ADAMTS6: variants seen among roughly 807,000 people sequenced by gnomAD.
ADAMTS6 encodes ADAM metallopeptidase with thrombospondin type 1 motif 6, also known as A disintegrin and metalloproteinase with thrombospondin motifs 6.
A neutral mutation model predicts 144.3 loss-of-function variants in ADAMTS6; 23 were observed. The ratio of observed to expected loss-of-function variants is 0.16; its 90% confidence interval spans 0.11 to 0.23. The LOEUF is 0.23. ADAMTS6 is among the 10% of genes least tolerant of loss of function. The pLI, the probability that ADAMTS6 is intolerant of heterozygous loss-of-function variation, is 1.00. For synonymous variants in ADAMTS6, 444 were observed against 457.5 expected (o/e 0.97, Z 0.38); for missense variants, 999 against 1,379.6 (o/e 0.72, Z 4.37).
At chr5:65,197,848 C>T (rs1191006635) in intron 20 of ADAMTS6, among the ~76,000 whole-genome samples, 3 of 152,058 alleles carry the variant, frequency 2.0e-5, no homozygotes, top group African/African-American at 7.2e-5. Context: ...AAAAATTAGT[C>T]TATGTGATAT....
At chr5:65,386,204 G>C (rs764974280) in intron 7 of ADAMTS6, among the ~76,000 whole-genome samples, 2 of 152,068 alleles carry the variant, frequency 1.3e-5, no homozygotes, top group Non-Finnish European at 2.9e-5. Context: ...GTCTAACATT[G>C]ATAATATTTC....
At chr5:65,325,246 C>G (rs540787515) in intron 9 of ADAMTS6, among the ~76,000 whole-genome samples, 1 of 152,068 alleles carries the variant, frequency 6.6e-6, no homozygotes, top group African/African-American at 2.4e-5. Context: ...CCTTTGCCAA[C>G]GCTCACTGAA....
At chr5:65,184,728 G>A (rs147856681) in intron 22 of ADAMTS6, among the ~76,000 whole-genome samples, 212 of 152,156 alleles carry the variant, frequency 1.4e-3, no homozygotes, top group African/African-American at 4.9e-3. Context: ...ATAGATTATA[G>A]GATATGCGAA....
At chr5:65,432,539 A>G (rs534384695) in intron 7 of ADAMTS6, among the ~76,000 whole-genome samples, 1 of 151,662 alleles carries the variant, frequency 6.6e-6, no homozygotes, top group Admixed American at 6.6e-5. Context: ...CACACACACA[A>G]AATCTATTCT....
At chr5:65,363,732 A>G (rs1311687881) in intron 7 of ADAMTS6, among the ~76,000 whole-genome samples, 1 of 152,204 alleles carries the variant, frequency 6.6e-6, no homozygotes, top group Non-Finnish European at 1.5e-5. Context: ...AACATATTCA[A>G]TTAAGAATAA....
intron 7 of ADAMTS6, among the ~76,000 whole-genome samples, chr5:65,410,150 A>G (rs1754927630): frequency 6.6e-6 from 1 of 152,214 alleles, no homozygotes; most frequent in Non-Finnish European, 1.5e-5. Context: ...CAAAAAGAAA[A>G]GTTGGGACTT....
At chr5:65,157,438 C>T (rs61619383) in intron 24 of ADAMTS6, among the ~76,000 whole-genome samples, 2,863 of 152,254 alleles carry the variant, frequency 0.019, 87 homozygotes, top group African/African-American at 0.066. Flanking sequence ...AGGGCTTTTG[C>T]ATTTATGTCA....
At chr5:65,324,559 G>A (rs971661126) in intron 9 of ADAMTS6, among the ~76,000 whole-genome samples, 5 of 149,952 alleles carry the variant, frequency 3.3e-5, no homozygotes, top group Non-Finnish European at 7.4e-5. Context: ...ATATATTACG[G>A]ATAAATATAT....
chr5:65,357,713 T>C (rs191449834), intron 7 of ADAMTS6, among the ~76,000 whole-genome samples: 1 of 151,942 alleles, frequency 6.6e-6, no homozygotes, highest in East Asian at 1.9e-4. Flanking sequence ...TGAAAAATTA[T>C]ATGGCAGCAA....
intron 11 of ADAMTS6, among the ~76,000 whole-genome samples, chr5:65,290,581 C>T (rs1742202316): frequency 1.3e-5 from 2 of 151,880 alleles, no homozygotes; most frequent in African/African-American, 2.4e-5. Context: ...AAAATCAAGG[C>T]TCTCAACTTA....
intron 12 of ADAMTS6, among the ~76,000 whole-genome samples, chr5:65,264,663 TA>T (rs1283233559): frequency 1.3e-5 from 2 of 152,166 alleles, no homozygotes; most frequent in Admixed American, 6.5e-5. Flanking sequence ...CACTTGTGGC[TA>T]TTTAAATTTA....
intron 9 of ADAMTS6, among the ~76,000 whole-genome samples, chr5:65,323,634 G>C (rs1490838800): frequency 6.6e-6 from 1 of 152,110 alleles, no homozygotes; most frequent in African/African-American, 2.4e-5. Context: ...TATATACCCA[G>C]TAATGGGATG....
chr5:65,299,018 T>C (rs1743119866), intron 10 of ADAMTS6, among the ~76,000 whole-genome samples: 1 of 152,076 alleles, frequency 6.6e-6, no homozygotes, highest in East Asian at 1.9e-4. Context: ...AGAATTTCCA[T>C]TGCTGGCCTG....
intron 15 of ADAMTS6, among the ~76,000 whole-genome samples, chr5:65,238,782 A>G (rs987432208): frequency 2.6e-5 from 4 of 152,168 alleles, no homozygotes; most frequent in Admixed American, 2.0e-4. Context: ...AGCTGGGAGA[A>G]ATTAAAGACA....
chr5:65,222,329 C>T (rs1757381592), intron 18 of ADAMTS6, among the ~76,000 whole-genome samples: 2 of 152,102 alleles, frequency 1.3e-5, no homozygotes, highest in Non-Finnish European at 2.9e-5. Context: ...ATTGATCTCT[C>T]ACAAATGTGT....
intron 11 of ADAMTS6, among the ~76,000 whole-genome samples, chr5:65,274,638 T>C (rs975892360): frequency 3.3e-5 from 5 of 152,138 alleles, no homozygotes; most frequent in African/African-American, 1.2e-4. Context: ...GGGTGCCTCC[T>C]ACCAGGCAGA....
intron 4 of ADAMTS6, among the ~76,000 whole-genome samples, chr5:65,454,198 G>T (rs61578033): frequency 0.039 from 5,950 of 152,200 alleles, 413 homozygotes; most frequent in African/African-American, 0.14. Flanking sequence ...CATGCTCTTG[G>T]ACTTCCCAGC....
At chr5:65,405,404 T>A (rs1754362183) in intron 7 of ADAMTS6, among the ~76,000 whole-genome samples, 2 of 152,200 alleles carry the variant, frequency 1.3e-5, no homozygotes, top group Admixed American at 6.5e-5. Flanking sequence ...AAATAGGGAA[T>A]CCTTTCCCCA....
chr5:65,291,319 G>C lies in ADAMTS6; in HGVS notation c.1512+10C>G. Reference sequence around the variant, plus strand: ...ATAAATGACGAAACATAAGGATGAAGACTTCTTACCCCATATTTACATTGG... The same window carrying C: ...ATAAATGACGAAACATAAGGATGAACACTTCTTACCCCATATTTACATTGG... On this transcript the variant is annotated intron_variant, in intron 11 of 24. Transcript: ENST00000381055. 1 of 1,605,016 alleles carries C rather than the reference G, an allele frequency of 6.2e-7. No homozygotes were observed. The highest frequency in any genetic ancestry group is 1.3e-5 in the African/African-American group (1 of 74,650).
Sources: allele counts gnomAD v4.1 joint callset (sites outside exome capture counted in the v4.1 genomes callset), GRCh38; gene constraint gnomAD v4.1.1; transcripts MANE v1.5; gene names NCBI Gene and HGNC (gene_info 2026-07-23, HGNC 2026-07-21).